The following DNAJC18 variants were observed in gnomAD, a reference collection of about 807,000 sequenced individuals.
The protein encoded by DNAJC18 is DnaJ heat shock protein family (Hsp40) member C18, also known as dnaJ homolog subfamily C member 18.
In DNAJC18, 40 loss-of-function variants were observed where a neutral mutation model predicts 48.6. That is an observed-to-expected ratio of 0.82 (90% CI 0.64 to 1.07). The LOEUF is 1.07. Ranked by LOEUF, DNAJC18 falls within the 50% of genes least tolerant of loss-of-function variation. The pLI, the probability that DNAJC18 is intolerant of heterozygous loss-of-function variation, is 0.00. For synonymous variants in DNAJC18, 135 were observed against 152.2 expected (o/e 0.89, Z 0.83); for missense variants, 340 against 427.7 (o/e 0.79, Z 1.81).
chr5:139,434,122 C>A (rs1045293846), intron 2 of DNAJC18, among the ~76,000 whole-genome samples: 3 of 152,054 alleles, frequency 2.0e-5, no homozygotes, highest in African/African-American at 7.3e-5. Flanking sequence ...AACTTCTGAG[C>A]CCAAGTATTC....
chr5:139,438,059 G>A (rs535973603), intron 1 of DNAJC18, among the ~76,000 whole-genome samples: 1 of 152,348 alleles, frequency 6.6e-6, no homozygotes, highest in East Asian at 1.9e-4. Flanking sequence ...GCTCACGCCT[G>A]TAATCCCAGC....
chr5:139,423,431 C>T (rs976816219), intron 5 of DNAJC18, among the ~76,000 whole-genome samples: 3 of 151,390 alleles, frequency 2.0e-5, no homozygotes, highest in Non-Finnish European at 2.9e-5. Context: ...GCTCTGTCAC[C>T]CAGGCTAGAG....
At chr5:139,430,105 G>A (rs1287732109) in intron 2 of DNAJC18, among the ~76,000 whole-genome samples, 2 of 151,670 alleles carry the variant, frequency 1.3e-5, no homozygotes, top group African/African-American at 2.4e-5. Context: ...TACAGGAAGC[G>A]AAAAAAAATT....
chr5:139,429,760 A>G (rs967493851), intron 2 of DNAJC18, among the ~76,000 whole-genome samples: 1 of 152,044 alleles, frequency 6.6e-6, no homozygotes, highest in African/African-American at 2.4e-5. Flanking sequence ...CCCTATCTCT[A>G]TGAAAAATTT....
At position 139,422,826 on chromosome 5, in the gene DNAJC18, G is replaced by GA. The variant is rs771477587; in HGVS notation, c.670-10dup. The GA allele has an allele frequency of 8.5e-4, 1,233 of 1,443,152 alleles. No individual in the cohort carries two copies. Among genetic ancestry groups the GA allele is most frequent in the Middle Eastern group, 1.3e-3 (5 of 3,966 alleles). 89.4% of individuals were successfully genotyped at this position (1,443,152 alleles called of 1,614,324 possible). A position where few individuals can be genotyped will look rare whatever the true frequency, so the allele number is the denominator to read the frequency against. ...AATGCAGAATATGTAGTCTGAAAAAGAAAAAAAAATAAAAACTTGCTGTAA... is the reference window on the plus strand; with the variant it reads ...AATGCAGAATATGTAGTCTGAAAAAGAAAAAAAAAATAAAAACTTGCTGTAA... On this transcript the variant is annotated splice_polypyrimidine_tract_variant and intron_variant, in intron 5 of 7. Coordinates refer to ENST00000302060, the MANE Select transcript of DNAJC18 (RefSeq NM_152686.4).
At chr5:139,436,005 T>G (rs1750648467) in intron 2 of DNAJC18, among the ~76,000 whole-genome samples, 1 of 151,776 alleles carries the variant, frequency 6.6e-6, no homozygotes, top group Admixed American at 6.6e-5. Flanking sequence ...ATTACAGGCA[T>G]GAGTCACCAT....
chr5:139,418,719 C>A, intron 7 of DNAJC18: 1 of 456,218 alleles, frequency 2.2e-6, no homozygotes, highest in Non-Finnish European at 4.4e-6. Flanking sequence ...GGACACTAAC[C>A]CTGCTGTTGT....
At chr5:139,434,952 G>A (rs1203425486) in intron 2 of DNAJC18, among the ~76,000 whole-genome samples, 1 of 152,120 alleles carries the variant, frequency 6.6e-6, no homozygotes, top group Admixed American at 6.5e-5. Context: ...TGATCTTGGT[G>A]GGAAAACACC....
chr5:139,411,602 C>T lies in DNAJC18; in HGVS notation c.*2546G>A, dbSNP rs1758996149. ...TCTGGATAGTATCAAATAGATAAAT[C>T]CTTCAACCAAAAGCAAATACGGTTC... On this transcript the variant is annotated 3_prime_UTR_variant, in exon 8 of 8. Transcript: ENST00000302060. The T allele has an allele frequency of 6.6e-6, 1 of 152,196 alleles. No individual in the cohort carries two copies. The highest frequency in any genetic ancestry group is 6.5e-5 in the Admixed American group (1 of 15,286). 9.4% of individuals were successfully genotyped at this position (152,196 alleles called of 1,614,324 possible). A position where few individuals can be genotyped will look rare whatever the true frequency, so the allele number is the denominator to read the frequency against.
At chr5:139,431,429 A>G (rs1759327948) in intron 2 of DNAJC18, among the ~76,000 whole-genome samples, 1 of 152,106 alleles carries the variant, frequency 6.6e-6, no homozygotes, top group Admixed American at 6.6e-5. Context: ...CTTATTCTGA[A>G]TATTTTACAT....
intron 4 of DNAJC18, 21 bp from the exon 5 acceptor site, chr5:139,425,135 A>G (rs1759215790): frequency 6.3e-7 from 1 of 1,589,808 alleles, no homozygotes; most frequent in Non-Finnish European, 8.6e-7. Flanking sequence ...AATACATGGT[A>G]TGGGATATGG....
chr5:139,416,502 C>T (rs1460725981), intron 7 of DNAJC18, among the ~76,000 whole-genome samples: 1 of 152,230 alleles, frequency 6.6e-6, no homozygotes, highest in Non-Finnish European at 1.5e-5. Flanking sequence ...TACATCCAGT[C>T]TACAGTGCAA....
chr5:139,426,273 GT>G lies in DNAJC18; in HGVS notation c.457del (p.Thr153LeufsTer43). ...ATTATAAGGTCTGGCTCGAGGGGCA[GT>G]GAAAGTCACCTGTTCATCTCCGTAT... The part of the protein sequence containing the change: ...DEYGDEQVTF[T>X]APRARPYNYY... On this transcript the variant is annotated frameshift_variant, in exon 4 of 8. Transcript: ENST00000302060. LOFTEE classifies it high-confidence loss of function. 6.2e-7 allele frequency: 1 copy of G among 1,614,240 alleles called. No individual in the cohort carries two copies. The highest frequency in any genetic ancestry group is 1.6e-4 in the Middle Eastern group (1 of 6,062).
At chr5:139,419,945 A>T (rs747636217) in intron 7 of DNAJC18, 108 bp downstream of exon 7, 2 of 1,168,390 alleles carry the variant, frequency 1.7e-6, no homozygotes, top group South Asian at 1.8e-5. Flanking sequence ...CTCTGTTCAC[A>T]TAAACATGCG....
At position 139,414,006 on chromosome 5, in the gene DNAJC18, G is replaced by T; in HGVS notation, c.*142C>A. The T allele has an allele frequency of 7.9e-7, 1 of 1,265,740 alleles. No homozygotes were observed. Among genetic ancestry groups the T allele is most frequent in the African/African-American group, 1.5e-5 (1 of 65,858 alleles). The allele number at this position is 1,265,740 out of a possible 1,614,324, so 78.4% of individuals were successfully genotyped here. A position where few individuals can be genotyped will look rare whatever the true frequency, so the allele number is the denominator to read the frequency against. On this transcript the variant is annotated 3_prime_UTR_variant, in exon 8 of 8. Coordinates refer to ENST00000302060, the MANE Select transcript of DNAJC18 (RefSeq NM_152686.4). ...AGACACATCTGGCTCTCGTGCCCAT[G>T]CTCCTGCCACTCTGCCCAACCAACG...
chr5:139,419,976 G>A, intron 7 of DNAJC18, 77 bp downstream of exon 7: 1 of 1,372,286 alleles, frequency 7.3e-7, no homozygotes, highest in Non-Finnish European at 9.7e-7. Flanking sequence ...CAAGAAGAGA[G>A]GAGGGATCAG....
intron 5 of DNAJC18, among the ~76,000 whole-genome samples, chr5:139,424,163 A>G (rs1360794570): frequency 4.6e-5 from 7 of 152,172 alleles, no homozygotes; most frequent in Non-Finnish European, 8.8e-5. Context: ...TAGACTGGCT[A>G]TTTGCAAGGG....
intron 7 of DNAJC18, chr5:139,419,188 GAAAATA>G (rs1345690384): frequency 2.2e-6 from 1 of 445,262 alleles, no homozygotes; most frequent in Non-Finnish European, 4.5e-6. Flanking sequence ...AAATAAAAAA[GAAAATA>G]AAAATAATCA....
At position 139,412,658 on chromosome 5, in the gene DNAJC18, C is replaced by A; in HGVS notation, c.*1490G>T. On this transcript the variant is annotated 3_prime_UTR_variant, in exon 8 of 8. Transcript: ENST00000302060. ...TTCCAAGTTCAGAGTCATGATAATT[C>A]AGGCAGCTCAGCTCCACAGGAAGGC... 2.5e-6 allele frequency: 1 copy of A among 398,664 alleles called. No homozygotes were observed. The highest frequency in any genetic ancestry group is 1.3e-4 in the South Asian group (1 of 7,836). 24.7% of individuals were successfully genotyped at this position (398,664 alleles called of 1,614,324 possible). A position where few individuals can be genotyped will look rare whatever the true frequency, so the allele number is the denominator to read the frequency against.
Sources: gnomAD v4.1 joint callset for allele counts (sites outside exome capture counted in the v4.1 genomes callset) on GRCh38, gnomAD v4.1.1 for gene constraint, MANE v1.5 for transcripts, NCBI Gene and HGNC (gene_info 2026-07-23, HGNC 2026-07-21) for gene names.